Variants in NEURL1 observed in about 807,000 individuals in gnomAD.
NEURL1 encodes neuralized E3 ubiquitin protein ligase 1.
A neutral mutation model predicts 41.2 loss-of-function variants in NEURL1; 26 were observed. That is an observed-to-expected ratio of 0.63 (90% CI 0.46 to 0.87). The LOEUF (loss-of-function observed/expected upper bound fraction) is 0.87, where lower values mean the gene tolerates loss of function less well. NEURL1 is among the 40% of genes least tolerant of loss of function. The pLI is 0.00. For synonymous variants in NEURL1, 400 were observed against 402.3 expected (o/e 0.99, Z 0.07); for missense variants, 761 against 871.1 (o/e 0.87, Z 1.59).
intron 4 of NEURL1, chr10:103,588,823 A>G (rs1296001706): frequency 4.5e-6 from 2 of 443,214 alleles, no homozygotes; most frequent in South Asian, 1.6e-5. Flanking sequence ...GCATGTGCCT[A>G]TGATCCCAAC....
Position 103,591,131 on chromosome 10 carries a change from G to A in NEURL1, c.*759G>A, listed in dbSNP as rs1369661465. ...AGAAGGGGAGGATCCTGTCCTGGCTGTAGCCTTCCTGCCCCAATCATCTCG... is the reference window on the plus strand; with the variant it reads ...AGAAGGGGAGGATCCTGTCCTGGCTATAGCCTTCCTGCCCCAATCATCTCG... On this transcript the variant is annotated 3_prime_UTR_variant, in exon 6 of 6. Coordinates refer to ENST00000369780, the MANE Select transcript of NEURL1 (RefSeq NM_004210.5). The A allele has an allele frequency of 6.5e-6, 1 of 152,956 alleles. No individual in the cohort carries two copies. Among genetic ancestry groups the A allele is most frequent in the African/African-American group, 2.4e-5 (1 of 41,480 alleles). 9.5% of individuals were successfully genotyped at this position (152,956 alleles called of 1,614,324 possible).
At chr10:103,577,209 G>C (rs2035684454) in intron 3 of NEURL1, among the ~76,000 whole-genome samples, 2 of 152,218 alleles carry the variant, frequency 1.3e-5, no homozygotes, top group South Asian at 4.2e-4. Flanking sequence ...GTTTTCTGGT[G>C]CTTCCTTTCT....
chr10:103,524,501 C>G (rs916167744), intron 1 of NEURL1, among the ~76,000 whole-genome samples: 1 of 152,066 alleles, frequency 6.6e-6, no homozygotes. Context: ...TTGAGGTTTT[C>G]TTTATAAAAT....
intron 1 of NEURL1, among the ~76,000 whole-genome samples, chr10:103,518,553 C>T (rs2034269249): frequency 6.6e-6 from 1 of 151,984 alleles, no homozygotes; most frequent in African/African-American, 2.4e-5. Context: ...TGAAAAATGC[C>T]CTGGAGAGAA....
chr10:103,553,598 G>C (rs2035081356), intron 1 of NEURL1, among the ~76,000 whole-genome samples: 1 of 152,166 alleles, frequency 6.6e-6, no homozygotes, highest in African/African-American at 2.4e-5. Context: ...TCTAGGTCAG[G>C]CCTGAATGTC....
At position 103,575,075 on chromosome 10, in the gene NEURL1, C is replaced by A. The variant is rs575590019; in HGVS notation, c.649+3253C>A. Among the ~76,000 whole-genome samples the A allele has an allele frequency of 2.0e-5, 3 of 151,896 alleles. No homozygotes were observed. The South Asian group carries it at 6.3e-4, about 32-fold the overall frequency. ...GAGGTGGGCGTGATCTCTCCACCTT[C>A]GTTCACTGCCTGTCCTCTGAGATAC... On this transcript the variant is annotated intron_variant, in intron 3 of 5. Coordinates refer to ENST00000369780, the MANE Select transcript of NEURL1 (RefSeq NM_004210.5).
chr10:103,514,120 T>C (rs563950326), intron 1 of NEURL1, among the ~76,000 whole-genome samples: 122 of 152,174 alleles, frequency 8.0e-4, no homozygotes, highest in African/African-American at 2.4e-3. Flanking sequence ...TTCTTTTTTT[T>C]GAGACAGAGT....
At chr10:103,573,926 C>CGCAGA (rs2035602365) in intron 3 of NEURL1, among the ~76,000 whole-genome samples, 4 of 152,258 alleles carry the variant, frequency 2.6e-5, no homozygotes, top group African/African-American at 9.6e-5. Context: ...GCTGGTGCTT[C>CGCAGA]TCTCAGTACT....
Position 103,558,672 on chromosome 10 carries a change from AG to A in NEURL1, c.86-12198del, listed in dbSNP as rs1483789749. Among the ~76,000 whole-genome samples, 11 of 152,280 alleles carry A rather than the reference AG, an allele frequency of 7.2e-5. No individual in the cohort carries two copies. Among genetic ancestry groups the A allele is most frequent in the Non-Finnish European group, 1.5e-5 (1 of 68,024 alleles). ...ACACGCTTGATCTCTTCCATTCGGTAGGTTTCCAGAGCTGCTCCTGGTCTTG... is the reference window on the plus strand; with the variant it reads ...ACACGCTTGATCTCTTCCATTCGGTAGTTTCCAGAGCTGCTCCTGGTCTTG... On this transcript the variant is annotated intron_variant, in intron 1 of 5. Coordinates refer to ENST00000369780, the MANE Select transcript of NEURL1 (RefSeq NM_004210.5). This position sits in a 1 kb window ranked among gnomAD's most constrained non-coding sequence, Gnocchi z 4.2.
In NEURL1 at chr10:103,494,334, C is replaced by T. The variant is rs1005614795; in HGVS notation, c.-54C>T. On this transcript the variant is annotated 5_prime_UTR_variant, in exon 1 of 6. Coordinates refer to ENST00000369780, the MANE Select transcript of NEURL1 (RefSeq NM_004210.5). ...CACACTCGCACACCGCACCTCAGCG[C>T]CTGCCCGGCCTCGCCCCCACCCGCG... 1.4e-5 allele frequency: 21 copies of T among 1,484,832 alleles called. No individual in the cohort carries two copies. The Admixed American group carries it at 2.0e-4, about 14-fold the overall frequency. 92.0% of individuals were successfully genotyped at this position (1,484,832 alleles called of 1,614,324 possible).
intron 3 of NEURL1, among the ~76,000 whole-genome samples, chr10:103,579,273 C>T (rs1459681792): frequency 2.0e-5 from 3 of 152,242 alleles, no homozygotes; most frequent in Non-Finnish European, 4.4e-5. Flanking sequence ...TGTTTCAGCT[C>T]AGGTCAACTC....
chr10:103,567,518 G>A (rs978582858), intron 1 of NEURL1, among the ~76,000 whole-genome samples: 5 of 152,030 alleles, frequency 3.3e-5, no homozygotes, highest in Non-Finnish European at 5.9e-5. Flanking sequence ...TGAGTAGCTG[G>A]GACTACTGGG....
At chr10:103,497,085 C>T (rs2033703304) in intron 1 of NEURL1, among the ~76,000 whole-genome samples, 1 of 152,166 alleles carries the variant, frequency 6.6e-6, no homozygotes, top group South Asian at 2.1e-4. Context: ...CTGTCCTTCA[C>T]CCAAGGTCCA....
intron 1 of NEURL1, among the ~76,000 whole-genome samples, chr10:103,561,858 A>G (rs2035300263): frequency 6.6e-6 from 1 of 152,202 alleles, no homozygotes; most frequent in Non-Finnish European, 1.5e-5. Flanking sequence ...GTTCTTGAGC[A>G]GGCAGGGCTG....
At chr10:103,576,205 G>A (rs1300892558) in intron 3 of NEURL1, among the ~76,000 whole-genome samples, 1 of 152,244 alleles carries the variant, frequency 6.6e-6, no homozygotes, top group Non-Finnish European at 1.5e-5. Context: ...TGGGAGGGGA[G>A]TGCAGCTAGA....
At chr10:103,498,126 A>T (rs2033730388) in intron 1 of NEURL1, among the ~76,000 whole-genome samples, 2 of 152,238 alleles carry the variant, frequency 1.3e-5, no homozygotes, top group African/African-American at 2.4e-5. Context: ...TGACTGGGGT[A>T]GGGTGCACAG....
rs2035537378 is a variant in NEURL1, at chr10:103,571,230, CCCTGCCCCTG to C, written c.327+121_327+130del. 3.2e-5 allele frequency: 33 copies of C among 1,031,936 alleles called. 1 individual carries two copies. The South Asian group carries it at 4.6e-4, about 14-fold the overall frequency. 63.9% of individuals were successfully genotyped at this position (1,031,936 alleles called of 1,614,324 possible). The stretch of plus-strand genomic sequence containing the variant: ...GCCTGCTGCCACCCCCAGCACCACA[CCCTGCCCCTG>C]CCTTTCCTCTCTGGTGACCCTCTTC... On this transcript the variant is annotated intron_variant, in intron 2 of 5. Coordinates refer to ENST00000369780, the MANE Select transcript of NEURL1 (RefSeq NM_004210.5).
intron 1 of NEURL1, among the ~76,000 whole-genome samples, chr10:103,495,502 G>A (rs1437906963): frequency 7.2e-5 from 11 of 152,214 alleles, no homozygotes; most frequent in African/African-American, 2.4e-5. Context: ...GCAGAGCAGA[G>A]CTAATCACAC....
intron 3 of NEURL1, among the ~76,000 whole-genome samples, chr10:103,583,473 T>C (rs563672995): frequency 6.6e-6 from 1 of 152,006 alleles, no homozygotes; most frequent in South Asian, 2.1e-4. Flanking sequence ...CGTAGCACTT[T>C]GGGAGACTGA....
Sources: allele counts gnomAD v4.1 joint callset (sites outside exome capture counted in the v4.1 genomes callset), GRCh38; gene constraint gnomAD v4.1.1; non-coding constraint Gnocchi (gnomAD v3.1); transcripts MANE v1.5; gene names NCBI Gene and HGNC (gene_info 2026-07-23, HGNC 2026-07-21).